PI4KA: variants seen among roughly 807,000 people sequenced by gnomAD.
PI4KA encodes the protein phosphatidylinositol 4-kinase alpha, also known as PI4-kinase alpha.
A neutral mutation model predicts 271.4 loss-of-function variants in PI4KA; 122 were observed. That is an observed-to-expected ratio of 0.45 (90% confidence interval 0.39 to 0.52). The LOEUF is 0.52. PI4KA is among the 20% of genes least tolerant of loss of function. The pLI is 0.00. For synonymous variants in PI4KA, 1,041 were observed against 1,078.8 expected (o/e 0.96, Z 0.69); for missense variants, 1,969 against 2,769.1 (o/e 0.71, Z 6.48).
intron 42 of PI4KA, among the ~76,000 whole-genome samples, chr22:20,722,761 G>T (rs1926892173): frequency 6.6e-6 from 1 of 152,192 alleles, no homozygotes; most frequent in East Asian, 1.9e-4. Context: ...AGTGTCCCTT[G>T]GATGGACATT....
At chr22:20,731,715 G>A (rs1222305836) in intron 36 of PI4KA, among the ~76,000 whole-genome samples, 5 of 152,170 alleles carry the variant, frequency 3.3e-5, no homozygotes, top group African/African-American at 1.2e-4. Context: ...AGATCACGAG[G>A]TCAGGAAATC....
chr22:20,760,367 C>T (rs956548768), intron 23 of PI4KA, among the ~76,000 whole-genome samples: 1 of 152,174 alleles, frequency 6.6e-6, no homozygotes, highest in Non-Finnish European at 1.5e-5. Context: ...ATAAATCAGA[C>T]TTCTTAGTGC....
chr22:20,753,087 G>C, intron 24 of PI4KA, 23 bp downstream of exon 24: 1 of 1,614,130 alleles, frequency 6.2e-7, no homozygotes, highest in African/African-American at 1.3e-5. Context: ...AGACAGACAC[G>C]CATTCATGCT....
chr22:20,815,357 G>C (rs951727294), intron 7 of PI4KA, among the ~76,000 whole-genome samples: 1 of 143,716 alleles, frequency 7.0e-6, no homozygotes, highest in Non-Finnish European at 1.5e-5. Flanking sequence ...CTCCATTCTG[G>C]TGACAGTAGG....
chr22:20,742,294 A>C lies in PI4KA; in HGVS notation c.3675T>G (p.His1225Gln). Residue 1225 changes from histidine (H) to glutamine (Q), a missense_variant, in exon 32 of 55, where the codon CAT becomes CAG. Physicochemically the swap from His to Gln is conservative, Grantham distance 24. Coordinates refer to ENST00000255882, the MANE Select transcript of PI4KA (RefSeq NM_058004.4). ...CWGPLRMFNE[H>Q]GMETALACWE... ...AGCAGGCCAGGGCCGTCTCCATGCC[A>C]TGCTCATTGAACATCCGGAGGGGAC... The C allele has an allele frequency of 6.2e-7, 1 of 1,614,192 alleles. No individual in the cohort carries two copies. Among genetic ancestry groups the C allele is most frequent in the Non-Finnish European group, 8.5e-7 (1 of 1,180,030 alleles).
chr22:20,780,680 G>A (rs1720137287), intron 19 of PI4KA, among the ~76,000 whole-genome samples: 2 of 150,570 alleles, frequency 1.3e-5, no homozygotes, highest in Admixed American at 1.3e-4. Context: ...GGAGGCTGAG[G>A]CAGGAGAATC....
At chr22:20,857,537 C>G (rs1238052650) in intron 1 of PI4KA, among the ~76,000 whole-genome samples, 1 of 152,140 alleles carries the variant, frequency 6.6e-6, no homozygotes, top group Non-Finnish European at 1.5e-5. Context: ...TCTCCATGTG[C>G]CAAAAAGTTG....
At chr22:20,711,886 A>T (rs1331816529) in intron 50 of PI4KA, among the ~76,000 whole-genome samples, 1 of 150,822 alleles carries the variant, frequency 6.6e-6, no homozygotes, top group Non-Finnish European at 1.5e-5. Context: ...CTGGGACTAC[A>T]GGTGCCCACC....
At chr22:20,717,971 G>T (rs371095208) in intron 44 of PI4KA, 193 bp from the exon 45 acceptor site, 2 of 594,876 alleles carry the variant, frequency 3.4e-6, no homozygotes, top group Admixed American at 2.5e-5. Context: ...CGACAGCCCC[G>T]GAAGGGCTGT....
intron 19 of PI4KA, among the ~76,000 whole-genome samples, chr22:20,792,865 T>C (rs1934741080): frequency 6.6e-6 from 1 of 152,202 alleles, no homozygotes; most frequent in Admixed American, 6.5e-5. Flanking sequence ...TGGCCCAGCA[T>C]CAGTCACAAG....
intron 27 of PI4KA, among the ~76,000 whole-genome samples, chr22:20,750,644 G>A (rs1275835961): frequency 6.6e-6 from 1 of 152,216 alleles, no homozygotes. Context: ...TGGAAGGGCA[G>A]GCTCTGCGTG....
Position 20,796,434 on chromosome 22 carries a change from C to T in PI4KA, c.2109-120G>A, listed in dbSNP as rs1934992105. 23 of 806,874 alleles carry T rather than the reference C, an allele frequency of 2.9e-5. 1 individual carries two copies. In the South Asian group the frequency reaches 3.9e-4, roughly 14 times the overall value. The allele number at this position is 806,874 out of a possible 1,614,324, so 50.0% of individuals were successfully genotyped here. A position where few individuals can be genotyped will look rare whatever the true frequency, so the allele number is the denominator to read the frequency against. On this transcript the variant is annotated intron_variant, in intron 17 of 54. Coordinates refer to ENST00000255882, the MANE Select transcript of PI4KA (RefSeq NM_058004.4). ...GCCCAGCCTGCCTTACCACACTCCT[C>T]CCAGTGTCTGTAAACCAAAGAACTC...
chr22:20,824,403 C>G lies in PI4KA; in HGVS notation c.379G>C (p.Val127Leu). 6.2e-7 allele frequency: 1 copy of G among 1,612,480 alleles called. No individual in the cohort carries two copies. The highest frequency in any genetic ancestry group is 8.5e-7 in the Non-Finnish European group (1 of 1,178,974). The change falls in exon 4 of 55, where the codon GTT (valine) becomes CTT (leucine). Residue 127 changes from valine to leucine, a missense_variant. Physicochemically the swap from Val to Leu is conservative, Grantham distance 32. This residue lies in a region of PI4KA where 540 missense variants were observed against 555.5 expected (regional missense o/e 0.97). Coordinates refer to ENST00000255882, the MANE Select transcript of PI4KA (RefSeq NM_058004.4). ...AAGCAGAAGCTGAAGCTCTCTGCAACCGGGAGGGCACCTGGAAGATGTAAA... is the reference window on the plus strand; with the variant it reads ...AAGCAGAAGCTGAAGCTCTCTGCAAGCGGGAGGGCACCTGGAAGATGTAAA... The part of the protein sequence containing the change: ...TARKGRGALP[V>L]AESFSFCLVT...
At chr22:20,818,908 G>C (rs932510262) in intron 6 of PI4KA, among the ~76,000 whole-genome samples, 1 of 152,150 alleles carries the variant, frequency 6.6e-6, no homozygotes, top group Non-Finnish European at 1.5e-5. Context: ...TTATGACTAT[G>C]AAATCACTTA....
At chr22:20,816,150 G>C (rs1378359258) in intron 7 of PI4KA, among the ~76,000 whole-genome samples, 2 of 152,104 alleles carry the variant, frequency 1.3e-5, no homozygotes, top group African/African-American at 2.4e-5. Flanking sequence ...ATGTTGGCCA[G>C]GCTGGTCTCG....
intron 8 of PI4KA, among the ~76,000 whole-genome samples, chr22:20,812,632 C>A (rs1569062438): frequency 6.6e-6 from 1 of 152,160 alleles, no homozygotes; most frequent in Non-Finnish European, 1.5e-5. Context: ...TTGACTACTG[C>A]AACCTCCACC....
rs376669180 is a variant in PI4KA at position 20,748,290 on chromosome 22, T to C, written c.3244-588A>G. ...GCCATTTATTCTTTCAGCACATCCT[T>C]GCTGAGCATCTGCTGTGGTAGCCAC... On this transcript the variant is annotated intron_variant, in intron 28 of 54. Coordinates refer to ENST00000255882, the MANE Select transcript of PI4KA (RefSeq NM_058004.4). 1.2e-4 allele frequency among the ~76,000 whole-genome samples: 18 copies of C among 152,364 alleles called. No individual in the cohort carries two copies. The South Asian group carries it at 3.5e-3, about 30-fold the overall frequency.
chr22:20,848,609 G>A (rs1045475009), intron 1 of PI4KA, among the ~76,000 whole-genome samples: 3 of 152,126 alleles, frequency 2.0e-5, no homozygotes, highest in Non-Finnish European at 2.9e-5. Context: ...CCAAGAAATC[G>A]TGCTGAGACA....
chr22:20,838,511 T>C, intron 2 of PI4KA, 104 bp downstream of exon 2: 6 of 719,452 alleles, frequency 8.3e-6, no homozygotes, highest in Non-Finnish European at 1.5e-5. Context: ...GGTTCAAATG[T>C]ATTCTTCTAC....
Sources: gnomAD v4.1 joint callset for allele counts (sites outside exome capture counted in the v4.1 genomes callset) on GRCh38, gnomAD v4.1.1 for gene constraint, gnomAD v4.1.1 regional missense constraint, MANE v1.5 for transcripts, NCBI Gene and HGNC (gene_info 2026-07-23, HGNC 2026-07-21) for gene names.